The following XKR4 variants were observed in gnomAD, a reference collection of about 807,000 sequenced individuals.
The protein encoded by XKR4 is XK related 4, also known as XK-related protein 4.
Under a neutral mutation model 53.9 loss-of-function variants are expected in XKR4, and 12 were observed. The ratio of observed to expected loss-of-function variants is 0.22; its 90% CI spans 0.14 to 0.36. XKR4 has a LOEUF of 0.36. XKR4 is among the 10% of genes least tolerant of loss of function. XKR4 has a pLI of 1.00. For synonymous variants in XKR4, 354 were observed against 362.4 expected (o/e 0.98, Z 0.26); for missense variants, 799 against 859.5 (o/e 0.93, Z 0.88).
At chr8:55,299,405 C>A (rs1402488377) in intron 1 of XKR4, among the ~76,000 whole-genome samples, 1 of 152,176 alleles carries the variant, frequency 6.6e-6, no homozygotes, top group Middle Eastern at 3.2e-3. Context: ...ACAGTGAGAC[C>A]AGGCAGGCCA....
chr8:55,345,373 T>A (rs1207804919), intron 1 of XKR4, among the ~76,000 whole-genome samples: 3 of 152,194 alleles, frequency 2.0e-5, no homozygotes, highest in Non-Finnish European at 2.9e-5. Context: ...AGATGCTGAA[T>A]AAGTATGACT....
At chr8:55,456,582 A>T (rs1232054334) in intron 2 of XKR4, among the ~76,000 whole-genome samples, 1 of 152,228 alleles carries the variant, frequency 6.6e-6, no homozygotes, top group African/African-American at 2.4e-5. Flanking sequence ...GAACCCAAAT[A>T]TTGGAAGTGA....
chr8:55,143,122 T>A (rs1488331962), intron 1 of XKR4, among the ~76,000 whole-genome samples: 1 of 152,254 alleles, frequency 6.6e-6, no homozygotes, highest in Non-Finnish European at 1.5e-5. Flanking sequence ...CATTGCTGTG[T>A]AGTATTCCAT....
At chr8:55,122,046 TA>T (rs1816398734) in intron 1 of XKR4, among the ~76,000 whole-genome samples, 2 of 152,210 alleles carry the variant, frequency 1.3e-5, no homozygotes, top group South Asian at 2.1e-4. Flanking sequence ...CCAGAATCTA[TA>T]AATTGTTATA....
chr8:55,478,098 A>G (rs1806029703), intron 2 of XKR4, among the ~76,000 whole-genome samples: 1 of 152,070 alleles, frequency 6.6e-6, no homozygotes, highest in African/African-American at 2.4e-5. Context: ...CAAGACACAT[A>G]ATTGTCAGAT....
chr8:55,210,868 G>T (rs1563484034), intron 1 of XKR4, among the ~76,000 whole-genome samples: 1 of 152,208 alleles, frequency 6.6e-6, no homozygotes, highest in South Asian at 2.1e-4. Context: ...ATTTCTGGTA[G>T]TTCCACCCTT....
chr8:55,278,508 A>G (rs1305603562), intron 1 of XKR4, among the ~76,000 whole-genome samples: 1 of 152,026 alleles, frequency 6.6e-6, no homozygotes, highest in Non-Finnish European at 1.5e-5. Context: ...TGTCGTTGTA[A>G]TTTTTAAATT....
intron 1 of XKR4, among the ~76,000 whole-genome samples, chr8:55,327,782 C>A (rs933379058): frequency 2.0e-5 from 3 of 152,100 alleles, no homozygotes; most frequent in Non-Finnish European, 4.4e-5. Flanking sequence ...AAGAAATGTT[C>A]TCTAGAATAG....
chr8:55,336,751 A>G (rs1257443652), intron 1 of XKR4, among the ~76,000 whole-genome samples: 3 of 152,174 alleles, frequency 2.0e-5, no homozygotes, highest in Non-Finnish European at 4.4e-5. Context: ...AAGATATTCC[A>G]GAGTATATTT....
chr8:55,126,467 T>C (rs111767847), intron 1 of XKR4, among the ~76,000 whole-genome samples: 4,937 of 152,332 alleles, frequency 0.032, 252 homozygotes, highest in African/African-American at 0.11. Context: ...AGAAATTCTT[T>C]AAGTCATATA....
chr8:55,102,209 C>T lies in XKR4; in HGVS notation c.-280C>T, dbSNP rs1188615713. Among the ~76,000 whole-genome samples the T allele has an allele frequency of 6.8e-6, 1 of 145,994 alleles. No individual in the cohort carries two copies. The highest frequency in any genetic ancestry group is 1.5e-5 in the Non-Finnish European group (1 of 65,756). ...CCGGGACGGCGAGGAGCGCGGGCGGCGGGCAGGGGCGCGCGCGGGGCGCCG... is the reference window on the plus strand; with the variant it reads ...CCGGGACGGCGAGGAGCGCGGGCGGTGGGCAGGGGCGCGCGCGGGGCGCCG... On this transcript the variant is annotated 5_prime_UTR_variant, in exon 1 of 3. Coordinates refer to ENST00000327381, the MANE Select transcript of XKR4 (RefSeq NM_052898.2). This position sits in a 1 kb window ranked among gnomAD's most constrained non-coding sequence, Gnocchi z 5.1.
chr8:55,127,035 T>C (rs1309697268), intron 1 of XKR4, among the ~76,000 whole-genome samples: 5 of 152,158 alleles, frequency 3.3e-5, no homozygotes, highest in African/African-American at 7.2e-5. Context: ...AAACTAATCA[T>C]ACATAGCAAG....
chr8:55,282,211 C>T (rs1299921726), intron 1 of XKR4, among the ~76,000 whole-genome samples: 1 of 152,300 alleles, frequency 6.6e-6, no homozygotes, highest in Admixed American at 6.5e-5. Flanking sequence ...ACCTCATATA[C>T]AACAGCAGTC....
chr8:55,293,988 A>AACAT (rs1819065374), intron 1 of XKR4, among the ~76,000 whole-genome samples: 1 of 152,354 alleles, frequency 6.6e-6, no homozygotes, highest in Non-Finnish European at 1.5e-5. Flanking sequence ...GATATCTTGA[A>AACAT]ACATTAACCC....
chr8:55,359,801 G>GA (rs146962620), intron 2 of XKR4, among the ~76,000 whole-genome samples: 59 of 148,784 alleles, frequency 4.0e-4, no homozygotes, highest in East Asian at 1.4e-3. Flanking sequence ...AAATTGTACA[G>GA]AAAAAAAAAA....
chr8:55,531,635 T>C lies in XKR4; in HGVS notation c.*7408T>C, dbSNP rs1266124838. On this transcript the variant is annotated 3_prime_UTR_variant, in exon 3 of 3. Coordinates refer to ENST00000327381, the MANE Select transcript of XKR4 (RefSeq NM_052898.2). ...CAAAAAAATTGAAATACTCTCTTGG[T>C]GCATAGTATTTGATTGAAAACAATC... 2.0e-5 allele frequency: 3 copies of C among 152,204 alleles called. No homozygotes were observed. The highest frequency in any genetic ancestry group is 4.4e-5 in the Non-Finnish European group (3 of 68,038). The allele number at this position is 152,204 out of a possible 1,614,324, so 9.4% of individuals were successfully genotyped here.
intron 2 of XKR4, among the ~76,000 whole-genome samples, chr8:55,432,586 A>C (rs1805118500): frequency 1.3e-5 from 2 of 152,158 alleles, no homozygotes; most frequent in African/African-American, 4.8e-5. Flanking sequence ...ATCATTGAAC[A>C]TATCTACACA....
intron 2 of XKR4, among the ~76,000 whole-genome samples, chr8:55,485,581 G>A (rs1243288983): frequency 6.6e-6 from 1 of 152,140 alleles, no homozygotes; most frequent in Non-Finnish European, 1.5e-5. Context: ...GTTTCACCAT[G>A]TTGGCCAGGC....
At chr8:55,377,647 C>T (rs979441148) in intron 2 of XKR4, among the ~76,000 whole-genome samples, 1 of 152,086 alleles carries the variant, frequency 6.6e-6, no homozygotes, top group African/African-American at 2.4e-5. Context: ...AGGAAAAAAC[C>T]TGAACAACTT....
Sources: allele counts gnomAD v4.1 joint callset (sites outside exome capture counted in the v4.1 genomes callset), GRCh38; gene constraint gnomAD v4.1.1; non-coding constraint Gnocchi (gnomAD v3.1); transcripts MANE v1.5; gene names NCBI Gene and HGNC (gene_info 2026-07-23, HGNC 2026-07-21).